Variants in ADAM23 observed in about 807,000 individuals in gnomAD.
ADAM23 encodes the protein ADAM metallopeptidase domain 23, also known as disintegrin and metalloproteinase domain-containing protein 23.
A neutral mutation model predicts 120.1 loss-of-function variants in ADAM23; 33 were observed. The ratio of observed to expected loss-of-function variants is 0.27; its 90% CI spans 0.21 to 0.37. ADAM23 has a LOEUF of 0.37. Ranked by LOEUF, ADAM23 falls within the 10% of genes least tolerant of loss-of-function variation. The probability of loss-of-function intolerance (pLI) is 1.00; values close to 1 mark genes in which losing one functional copy is unlikely to be tolerated. For synonymous variants in ADAM23, 367 were observed against 375.2 expected (o/e 0.98, Z 0.25); for missense variants, 862 against 1,058.2 (o/e 0.81, Z 2.57).
In ADAM23 at chr2:206,544,762, G is replaced by A. The variant is rs148735966; in HGVS notation, c.720+1446G>A. On this transcript the variant is annotated intron_variant, in intron 6 of 25. Coordinates refer to ENST00000264377, the MANE Select transcript of ADAM23 (RefSeq NM_003812.4). ...CAAGTAGCTGGGACTACAGGTGCCCGCCACCGCACCCAGCTAATTTTTTGT... is the reference window on the plus strand; with the variant it reads ...CAAGTAGCTGGGACTACAGGTGCCCACCACCGCACCCAGCTAATTTTTTGT... Among the ~76,000 whole-genome samples the A allele has an allele frequency of 6.8e-3, 1,029 of 152,092 alleles. 20 individuals carry two copies. The highest frequency in any genetic ancestry group is 0.023 in the African/African-American group (969 of 41,488).
At chr2:206,482,085 A>G (rs1190403017) in intron 3 of ADAM23, among the ~76,000 whole-genome samples, 1 of 152,242 alleles carries the variant, frequency 6.6e-6, no homozygotes, top group African/African-American at 2.4e-5. Context: ...TGTTAATGCT[A>G]TCAAACACTA....
intron 3 of ADAM23, among the ~76,000 whole-genome samples, chr2:206,481,566 GTTAA>G (rs1695897844): frequency 2.0e-5 from 3 of 151,982 alleles, no homozygotes; most frequent in Admixed American, 1.3e-4. Flanking sequence ...AAGTAATCCA[GTTAA>G]TTAAATGTTA....
At chr2:206,509,041 A>G (rs565722381) in intron 3 of ADAM23, among the ~76,000 whole-genome samples, 1 of 152,368 alleles carries the variant, frequency 6.6e-6, no homozygotes, top group East Asian at 1.9e-4. Flanking sequence ...GTTGTCACCA[A>G]ACCATCATAT....
At chr2:206,455,026 G>C (rs1194589225) in intron 2 of ADAM23, among the ~76,000 whole-genome samples, 3 of 152,242 alleles carry the variant, frequency 2.0e-5, no homozygotes, top group African/African-American at 7.2e-5. Flanking sequence ...AATAGGCAGT[G>C]CCCCAGTGGG....
intron 18 of ADAM23, among the ~76,000 whole-genome samples, chr2:206,578,941 A>G (rs1206864701): frequency 6.6e-6 from 1 of 151,922 alleles, no homozygotes; most frequent in Non-Finnish European, 1.5e-5. Flanking sequence ...TTCTTGCAGG[A>G]GTAAGGTGGT....
chr2:206,538,570 T>C (rs59704343), intron 4 of ADAM23, among the ~76,000 whole-genome samples: 8,123 of 152,222 alleles, frequency 0.053, 707 homozygotes, highest in African/African-American at 0.19. Context: ...AGATTGAAAA[T>C]ATCAGTGTAT....
At chr2:206,587,696 T>C (rs930249202) in intron 19 of ADAM23, among the ~76,000 whole-genome samples, 7 of 152,136 alleles carry the variant, frequency 4.6e-5, no homozygotes, top group Admixed American at 4.6e-4. Context: ...CAATCTGTCA[T>C]GAGTTTTTTT....
intron 4 of ADAM23, 82 bp from the exon 5 acceptor site, chr2:206,541,970 A>G: frequency 1.4e-6 from 2 of 1,407,192 alleles, no homozygotes; most frequent in East Asian, 2.3e-5. Flanking sequence ...CCATCCTTGC[A>G]TTTCTTTTTG....
At chr2:206,469,645 C>G (rs1472912162) in intron 2 of ADAM23, among the ~76,000 whole-genome samples, 2 of 152,198 alleles carry the variant, frequency 1.3e-5, no homozygotes, top group Non-Finnish European at 2.9e-5. Context: ...ATTACTATTT[C>G]ATTCAGAATA....
chr2:206,543,550 C>T (rs938495027), intron 6 of ADAM23, among the ~76,000 whole-genome samples: 5 of 152,080 alleles, frequency 3.3e-5, no homozygotes, highest in African/African-American at 1.2e-4. Flanking sequence ...AATCCTAGTC[C>T]TTCCCAGTCT....
At chr2:206,510,703 A>G (rs956580090) in intron 3 of ADAM23, among the ~76,000 whole-genome samples, 1 of 152,216 alleles carries the variant, frequency 6.6e-6, no homozygotes, top group African/African-American at 2.4e-5. Flanking sequence ...ACTTGGCTGG[A>G]CATGAAATTT....
intron 3 of ADAM23, among the ~76,000 whole-genome samples, chr2:206,499,067 C>A (rs960832491): frequency 3.9e-5 from 6 of 152,024 alleles, no homozygotes; most frequent in African/African-American, 1.2e-4. Flanking sequence ...ACTAGTTCAA[C>A]CATTGTGGAA....
chr2:206,450,026 T>C (rs1258919641), intron 2 of ADAM23, among the ~76,000 whole-genome samples: 1 of 152,186 alleles, frequency 6.6e-6, no homozygotes, highest in Non-Finnish European at 1.5e-5. Context: ...TTCTCTATTT[T>C]AGGATAGGAC....
chr2:206,578,120 T>C (rs1698153158), intron 18 of ADAM23, among the ~76,000 whole-genome samples: 2 of 152,218 alleles, frequency 1.3e-5, no homozygotes, highest in Non-Finnish European at 2.9e-5. Context: ...CCTGATGTGC[T>C]TTTTCTAATA....
intron 3 of ADAM23, among the ~76,000 whole-genome samples, chr2:206,516,771 G>A (rs1696740706): frequency 6.6e-6 from 1 of 152,120 alleles, no homozygotes; most frequent in South Asian, 2.1e-4. Context: ...TTCGTGCTGT[G>A]TCACTGAAAT....
At position 206,443,800 on chromosome 2, in the gene ADAM23, C is replaced by A. The variant is rs1181496479; in HGVS notation, c.-67C>A. 2 of 934,310 alleles carry A rather than the reference C, an allele frequency of 2.1e-6. No individual in the cohort carries two copies. Among genetic ancestry groups the A allele is most frequent in the East Asian group, 1.0e-4 (1 of 9,928 alleles). The allele number at this position is 934,310 out of a possible 1,614,324, so 57.9% of individuals were successfully genotyped here. On this transcript the variant is annotated 5_prime_UTR_variant, in exon 1 of 26. Transcript: ENST00000264377. ...GAGCCGGCGTGACCGGCTCCGCCCG[C>A]GGCCGCCCCGCAGCTAGCCCGGCGC...
At chr2:206,454,205 G>A (rs1031351205) in intron 2 of ADAM23, among the ~76,000 whole-genome samples, 1 of 152,112 alleles carries the variant, frequency 6.6e-6, no homozygotes, top group East Asian at 1.9e-4. Context: ...CTGGAAGCAT[G>A]GCTAGGAGGT....
At chr2:206,481,527 A>G (rs897863759) in intron 3 of ADAM23, among the ~76,000 whole-genome samples, 1 of 152,228 alleles carries the variant, frequency 6.6e-6, no homozygotes, top group Non-Finnish European at 1.5e-5. Context: ...GCACTTACAT[A>G]TTATAATTTT....
rs148065017 is a variant in ADAM23, at chr2:206,507,326, A to G, written c.510-23559A>G. Among the ~76,000 whole-genome samples the G allele has an allele frequency of 3.2e-3, 491 of 152,216 alleles. 6 individuals carry two copies. The highest frequency in any genetic ancestry group is 0.011 in the African/African-American group (467 of 41,528). ...GGGGCAGACTTCTCATGCATGGGTT[A>G]GCACTGTATCCCCCTGGGTACTGTC... On this transcript the variant is annotated intron_variant, in intron 3 of 25. Transcript: ENST00000264377.
Sources: gnomAD v4.1 joint callset for allele counts (sites outside exome capture counted in the v4.1 genomes callset) on GRCh38, gnomAD v4.1.1 for gene constraint, MANE v1.5 for transcripts, NCBI Gene and HGNC (gene_info 2026-07-23, HGNC 2026-07-21) for gene names.